RGL1: variants seen among roughly 807,000 people sequenced by gnomAD.
RGL1 encodes the protein ral guanine nucleotide dissociation stimulator-like 1.
RGL1 carries 24 observed loss-of-function variants against 95.2 expected under a neutral mutation model. The observed-to-expected ratio is 0.25, with a 90% CI of 0.18 to 0.35. The LOEUF is 0.35. Ranked by LOEUF, RGL1 falls within the 10% of genes least tolerant of loss-of-function variation. The pLI is 1.00. For missense variants in RGL1, 715 were observed against 936.3 expected (o/e 0.76, Z 3.08); for synonymous variants, 329 against 344.9 (o/e 0.95, Z 0.51).
chr1:183,833,964 G>T (rs201195658), intron 2 of RGL1, among the ~76,000 whole-genome samples: 7 of 140,578 alleles, frequency 5.0e-5, no homozygotes, highest in Admixed American at 7.1e-5. Context: ...ATCTCTCTCT[G>T]TTTTTTTTTT....
chr1:183,784,385 G>A (rs1660049909), intron 2 of RGL1, among the ~76,000 whole-genome samples: 2 of 152,300 alleles, frequency 1.3e-5, no homozygotes, highest in South Asian at 2.1e-4. Flanking sequence ...GGCTCCAGCC[G>A]CTATGCTCAG....
chr1:183,860,382 A>G (rs554680764), intron 3 of RGL1, among the ~76,000 whole-genome samples: 1 of 152,266 alleles, frequency 6.6e-6, no homozygotes, highest in African/African-American at 2.4e-5. Context: ...GAAGAGTAAA[A>G]CCAGAGTCCT....
At chr1:183,767,365 A>C (rs898538979) in intron 2 of RGL1, among the ~76,000 whole-genome samples, 1 of 152,170 alleles carries the variant, frequency 6.6e-6, no homozygotes, top group Non-Finnish European at 1.5e-5. Context: ...GGAAGCCCCA[A>C]ATTTTTCTCT....
At chr1:183,669,161 C>A (rs1383865135) in intron 1 of RGL1, among the ~76,000 whole-genome samples, 1 of 152,024 alleles carries the variant, frequency 6.6e-6, no homozygotes, top group African/African-American at 2.4e-5. Flanking sequence ...CCAGGATGGT[C>A]TCAATCTCAT....
At chr1:183,777,613 AG>A (rs1485597481) in intron 2 of RGL1, among the ~76,000 whole-genome samples, 2 of 152,240 alleles carry the variant, frequency 1.3e-5, no homozygotes, top group Non-Finnish European at 2.9e-5. Context: ...CTCCTCAGGG[AG>A]GGAGCTCATA....
chr1:183,897,504 G>A (rs1667768754), intron 9 of RGL1, among the ~76,000 whole-genome samples: 1 of 151,914 alleles, frequency 6.6e-6, no homozygotes, highest in Admixed American at 6.6e-5. Context: ...AGCTGAGATT[G>A]CGCCACTGCA....
At chr1:183,711,805 G>A (rs920116853) in intron 1 of RGL1, among the ~76,000 whole-genome samples, 3 of 151,988 alleles carry the variant, frequency 2.0e-5, no homozygotes, top group Admixed American at 6.6e-5. Flanking sequence ...GGGGGCGGGC[G>A]GAGAAGAAGA....
intron 1 of RGL1, among the ~76,000 whole-genome samples, chr1:183,649,037 C>T (rs1349796307): frequency 6.6e-6 from 1 of 152,156 alleles, no homozygotes; most frequent in Non-Finnish European, 1.5e-5. Flanking sequence ...TTCATAGATT[C>T]CAAGTCAGTA....
intron 1 of RGL1, among the ~76,000 whole-genome samples, chr1:183,652,184 A>G (rs1650809165): frequency 6.6e-6 from 1 of 152,260 alleles, no homozygotes; most frequent in Non-Finnish European, 1.5e-5. Context: ...TTTGGGAAAC[A>G]AAAGTCTTTG....
intron 4 of RGL1, among the ~76,000 whole-genome samples, chr1:183,869,409 A>G (rs1666032310): frequency 6.6e-6 from 1 of 152,226 alleles, no homozygotes; most frequent in South Asian, 2.1e-4. Flanking sequence ...CTCTGGGGAC[A>G]ATGGTCCTTT....
intron 1 of RGL1, among the ~76,000 whole-genome samples, chr1:183,701,271 G>A (rs763877170): frequency 1.9e-4 from 29 of 152,146 alleles, no homozygotes; most frequent in Non-Finnish European, 4.4e-5. Flanking sequence ...ATGAAAGAAT[G>A]GTTTTTAGTT....
intron 2 of RGL1, among the ~76,000 whole-genome samples, chr1:183,761,639 G>A (rs1489378848): frequency 6.6e-6 from 1 of 152,182 alleles, no homozygotes; most frequent in Non-Finnish European, 1.5e-5. Context: ...GTAAGCAGCT[G>A]CATTAGCCCC....
intron 4 of RGL1, among the ~76,000 whole-genome samples, chr1:183,870,056 T>TG (rs1666073611): frequency 6.6e-6 from 1 of 152,182 alleles, no homozygotes; most frequent in African/African-American, 2.4e-5. Flanking sequence ...TTTCTTGTAT[T>TG]GGTTCGAACC....
intron 9 of RGL1, among the ~76,000 whole-genome samples, 169 bp from the exon 10 acceptor site, chr1:183,897,639 A>C (rs926255532): frequency 2.0e-5 from 3 of 152,170 alleles, no homozygotes; most frequent in African/African-American, 7.2e-5. Flanking sequence ...AAGCCAGCCA[A>C]GTATTTGCAT....
intron 1 of RGL1, among the ~76,000 whole-genome samples, chr1:183,671,937 T>C (rs1173989141): frequency 1.4e-5 from 2 of 145,182 alleles, no homozygotes; most frequent in East Asian, 2.0e-4. Context: ...ATTTTTTTTT[T>C]CTTTTTTTTT....
Position 183,748,381 on chromosome 1 carries a change from T to C in RGL1, c.132+6092T>C, listed in dbSNP as rs1572363617. Among the ~76,000 whole-genome samples, 5 of 150,286 alleles carry C rather than the reference T, an allele frequency of 3.3e-5. No homozygotes were observed. The South Asian group carries it at 1.0e-3, about 32-fold the overall frequency. The stretch of plus-strand genomic sequence containing the variant: ...TCTTCTACGAGCTTTTGAATTTGTT[T>C]GCTTCTCTAGTTCTTTTTTTTTTTT... On this transcript the variant is annotated intron_variant, in intron 2 of 18. Transcript: ENST00000304685.
intron 1 of RGL1, among the ~76,000 whole-genome samples, chr1:183,708,779 G>T (rs1053302554): frequency 1.3e-5 from 2 of 152,220 alleles, no homozygotes; most frequent in African/African-American, 2.4e-5. Context: ...ATCAGTGACT[G>T]GTGTGCATGC....
chr1:183,901,282 G>A, intron 11 of RGL1, among the ~76,000 whole-genome samples: 1 of 151,868 alleles, frequency 6.6e-6, no homozygotes, highest in African/African-American at 2.4e-5. Flanking sequence ...CTGGGTGACA[G>A]AGCAAGACCC....
At chr1:183,813,309 T>C (rs926215494) in intron 2 of RGL1, among the ~76,000 whole-genome samples, 2 of 152,202 alleles carry the variant, frequency 1.3e-5, no homozygotes, top group Non-Finnish European at 2.9e-5. Context: ...TACTGGGGAC[T>C]TCAAGTCAGC....
Sources: gnomAD v4.1 joint callset for allele counts (sites outside exome capture counted in the v4.1 genomes callset) on GRCh38, gnomAD v4.1.1 for gene constraint, MANE v1.5 for transcripts, NCBI Gene and HGNC (gene_info 2026-07-23, HGNC 2026-07-21) for gene names.